Variants in PRKCH observed in about 807,000 individuals in gnomAD.
PRKCH encodes protein kinase C eta.
In PRKCH, 28 loss-of-function variants were observed where a neutral mutation model predicts 82.5. The observed-to-expected ratio is 0.34, with a 90% CI of 0.25 to 0.47. The LOEUF is 0.47. Among genes scored for constraint, PRKCH ranks in the 20% least tolerant of loss-of-function variants. PRKCH has a pLI of 1.00. For synonymous variants in PRKCH, 322 were observed against 327.4 expected (o/e 0.98, Z 0.18); for missense variants, 705 against 881.8 (o/e 0.80, Z 2.54).
chr14:61,491,454 C>G (rs189940961), intron 10 of PRKCH, among the ~76,000 whole-genome samples: 2 of 152,322 alleles, frequency 1.3e-5, no homozygotes, highest in Admixed American at 6.5e-5. Flanking sequence ...GCTGTGAGCC[C>G]TCACCTGGGA....
At position 61,215,308 on chromosome 14, in the gene PRKCH, G is replaced by A. The variant is rs2044609069; in HGVS notation, c.-19+27640G>A. Among the ~76,000 whole-genome samples the A allele has an allele frequency of 3.9e-5, 6 of 152,178 alleles. No homozygotes were observed. The South Asian group carries it at 1.2e-3, about 32-fold the overall frequency. On this transcript the variant is annotated intron_variant, in intron 1 of 3. Transcript: ENST00000555185. ...CACATCCAACTGACCAAAGGCCTTA[G>A]AGCAAAGACTGAGGCTTCCCAAAGA...
At chr14:61,529,034 G>C (rs2043009985) in intron 10 of PRKCH, 41 bp from the exon 11 acceptor site, 1 of 1,559,222 alleles carries the variant, frequency 6.4e-7, no homozygotes, top group Non-Finnish European at 8.7e-7. Flanking sequence ...ATGGTTTGGG[G>C]TCTGGCTGCC....
upstream of PRKCH, among the ~76,000 whole-genome samples, chr14:61,320,677 G>C (rs949172784): frequency 1.3e-5 from 2 of 152,198 alleles, no homozygotes; most frequent in African/African-American, 4.8e-5. Flanking sequence ...GGCCCTCAGG[G>C]AGCAAGCTTT....
chr14:61,272,097 G>T (rs765553290), intron 1 of PRKCH, among the ~76,000 whole-genome samples: 3 of 151,660 alleles, frequency 2.0e-5, no homozygotes, highest in Non-Finnish European at 4.4e-5. Flanking sequence ...GCGTGGTGGC[G>T]GGCGCCTGTA....
chr14:61,320,581 A>G (rs1205075713), upstream of PRKCH, among the ~76,000 whole-genome samples: 3 of 150,080 alleles, frequency 2.0e-5, no homozygotes, highest in Non-Finnish European at 4.5e-5. Context: ...CCTGGGCAAC[A>G]AAAGCGAAAC....
intron 6 of PRKCH, 53 bp downstream of exon 6, chr14:61,451,024 A>C: frequency 6.3e-7 from 1 of 1,577,516 alleles, no homozygotes; most frequent in Non-Finnish European, 8.6e-7. Context: ...ACTATGCCCT[A>C]AGCTTTCAGA....
Position 61,457,502 on chromosome 14 carries a change from AT to A in PRKCH, c.1105-3del, listed in dbSNP as rs768431219. The stretch of plus-strand genomic sequence containing the variant: ...TCATGCTCCCTCCTTTTGCTTTGCC[AT>A]AGGTGATGCTTGCAAGAGTAAAAGA... On this transcript the variant is annotated splice_polypyrimidine_tract_variant and splice_region_variant and intron_variant, in intron 8 of 13. Coordinates refer to ENST00000332981, the MANE Select transcript of PRKCH (RefSeq NM_006255.5). The A allele has an allele frequency of 1.9e-6, 3 of 1,613,706 alleles. No homozygotes were observed. Among genetic ancestry groups the A allele is most frequent in the Non-Finnish European group, 2.5e-6 (3 of 1,179,772 alleles).
At chr14:61,448,670 A>C (rs1884342244) in intron 4 of PRKCH, among the ~76,000 whole-genome samples, 2 of 152,172 alleles carry the variant, frequency 1.3e-5, no homozygotes, top group African/African-American at 4.8e-5. Flanking sequence ...GGCAAAAAGG[A>C]TATCCCAGGG....
At position 61,391,207 on chromosome 14, in the gene PRKCH, T is replaced by A; in HGVS notation, c.364-18T>A. The stretch of plus-strand genomic sequence containing the variant: ...TTTAAAACTAACATATAATATACAT[T>A]TTTTTTTCTCTTTGTAGGTGGATCT... On this transcript the variant is annotated intron_variant, in intron 1 of 13. Transcript: ENST00000332981. The A allele has an allele frequency of 6.3e-7, 1 of 1,597,220 alleles. No homozygotes were observed. The highest frequency in any genetic ancestry group is 8.6e-7 in the Non-Finnish European group (1 of 1,169,036).
At chr14:61,256,647 C>T (rs897590311) in intron 1 of PRKCH, among the ~76,000 whole-genome samples, 2 of 152,140 alleles carry the variant, frequency 1.3e-5, no homozygotes, top group African/African-American at 4.8e-5. Flanking sequence ...GTAAAAATAT[C>T]CCTAGACTCT....
intron 1 of PRKCH, among the ~76,000 whole-genome samples, chr14:61,310,272 G>T (rs899969251): frequency 1.3e-5 from 2 of 152,168 alleles, no homozygotes; most frequent in African/African-American, 4.8e-5. Flanking sequence ...TTGAGACAAG[G>T]CAAGTCCCTT....
chr14:61,265,893 G>A (rs373044398), intron 1 of PRKCH, among the ~76,000 whole-genome samples: 97 of 152,178 alleles, frequency 6.4e-4, no homozygotes, highest in African/African-American at 2.1e-3. Context: ...TGAGGAGTTC[G>A]AGACCAGTCT....
chr14:61,517,118 G>T (rs2042839834), intron 10 of PRKCH, among the ~76,000 whole-genome samples: 1 of 152,114 alleles, frequency 6.6e-6, no homozygotes. Context: ...ACTGTGTAAG[G>T]CATTACTAAT....
intron 2 of PRKCH, among the ~76,000 whole-genome samples, chr14:61,440,261 C>A (rs1048102595): frequency 6.6e-6 from 1 of 152,174 alleles, no homozygotes; most frequent in Non-Finnish European, 1.5e-5. Context: ...AGTGTAGTAA[C>A]TTTTGTTCTT....
At chr14:61,356,058 GA>G (rs2046143959) in intron 1 of PRKCH, among the ~76,000 whole-genome samples, 1 of 152,196 alleles carries the variant, frequency 6.6e-6, no homozygotes, top group African/African-American at 2.4e-5. Context: ...CAGAGAACCG[GA>G]AGAGCAGGAA....
At chr14:61,418,917 C>A (rs553798312) in intron 2 of PRKCH, among the ~76,000 whole-genome samples, 5 of 152,136 alleles carry the variant, frequency 3.3e-5, no homozygotes, top group African/African-American at 7.2e-5. Flanking sequence ...TGACTGATGG[C>A]GAGTTGATCT....
intron 1 of PRKCH, among the ~76,000 whole-genome samples, chr14:61,206,451 T>C (rs2044524942): frequency 6.6e-6 from 1 of 152,188 alleles, no homozygotes; most frequent in African/African-American, 2.4e-5. Flanking sequence ...CTGCCCAAAT[T>C]CACTGTGACT....
chr14:61,388,096 C>T (rs147985620), intron 1 of PRKCH, among the ~76,000 whole-genome samples: 3 of 147,006 alleles, frequency 2.0e-5, no homozygotes, highest in Non-Finnish European at 3.0e-5. Context: ...TGCAGTGAGC[C>T]GAGATGGTGC....
At chr14:61,274,342 A>G (rs2045184359) in intron 1 of PRKCH, among the ~76,000 whole-genome samples, 2 of 152,230 alleles carry the variant, frequency 1.3e-5, no homozygotes, top group South Asian at 2.1e-4. Context: ...GAAGGTGTGT[A>G]TGTCCTGCTG....
Sources: allele counts gnomAD v4.1 joint callset (sites outside exome capture counted in the v4.1 genomes callset), GRCh38; gene constraint gnomAD v4.1.1; transcripts MANE v1.5; gene names NCBI Gene and HGNC (gene_info 2026-07-23, HGNC 2026-07-21).